The following CDK14 variants were observed in gnomAD, a reference collection of about 807,000 sequenced individuals.
The protein encoded by CDK14 is cyclin dependent kinase 14.
Under a neutral mutation model 60.7 loss-of-function variants are expected in CDK14, and 34 were observed. The ratio of observed to expected loss-of-function variants is 0.56; its 90% CI spans 0.43 to 0.75. The LOEUF (loss-of-function observed/expected upper bound fraction) is 0.75. Ranked by LOEUF, CDK14 falls within the 30% of genes least tolerant of loss-of-function variation. The probability of loss-of-function intolerance (pLI) is 0.00; values close to 1 mark genes in which losing one functional copy is unlikely to be tolerated. For missense variants in CDK14, 482 were observed against 564.1 expected (o/e 0.85, Z 1.47); for synonymous variants, 197 against 203.7 (o/e 0.97, Z 0.28).
intron 10 of CDK14, among the ~76,000 whole-genome samples, chr7:91,006,413 CAGAAAACATTACACAT>C (rs1327493865): frequency 6.6e-6 from 1 of 152,134 alleles, no homozygotes; most frequent in Non-Finnish European, 1.5e-5. Flanking sequence ...TTTCTTTTTT[CAGAAAACATTACACAT>C]AACTCCTGGA....
intron 5 of CDK14, among the ~76,000 whole-genome samples, chr7:90,812,529 G>A (rs1583998726): frequency 1.3e-5 from 2 of 152,092 alleles, no homozygotes. Flanking sequence ...ATGACGAGTT[G>A]CTGGGTGCAG....
intron 10 of CDK14, among the ~76,000 whole-genome samples, chr7:91,001,163 G>A (rs1795823562): frequency 1.3e-5 from 2 of 152,068 alleles, no homozygotes; most frequent in African/African-American, 2.4e-5. Flanking sequence ...ATGAAAAAAT[G>A]TTATCCCAAT....
intron 2 of CDK14, among the ~76,000 whole-genome samples, chr7:90,643,631 G>T (rs1800394388): frequency 1.3e-5 from 2 of 152,162 alleles, no homozygotes; most frequent in Non-Finnish European, 2.9e-5. Context: ...CTCTTTCTGT[G>T]TCGAACCGCT....
At chr7:90,735,535 A>T (rs1383137712) in intron 3 of CDK14, among the ~76,000 whole-genome samples, 3 of 152,202 alleles carry the variant, frequency 2.0e-5, no homozygotes, top group Non-Finnish European at 4.4e-5. Flanking sequence ...CTAGAGAAGG[A>T]GTCTGGCCAC....
At chr7:90,667,002 A>G (rs968900349) in intron 2 of CDK14, among the ~76,000 whole-genome samples, 4 of 152,220 alleles carry the variant, frequency 2.6e-5, no homozygotes, top group African/African-American at 9.6e-5. Flanking sequence ...CATATTCTTT[A>G]TCATCTAACT....
At chr7:90,709,392 T>A in intron 2 of CDK14, 1 of 1,384,548 alleles carries the variant, frequency 7.2e-7, no homozygotes, top group Non-Finnish European at 9.3e-7. Context: ...TTGAGCATGA[T>A]GAGGTGCATC....
rs535481848 is a variant in CDK14 at position 90,643,132 on chromosome 7, G to A, written c.123+38883G>A. 2.2e-4 allele frequency among the ~76,000 whole-genome samples: 34 copies of A among 152,322 alleles called. No homozygotes were observed. The South Asian group carries it at 7.1e-3, about 32-fold the overall frequency. ...GGTGATATGTATGTACAGCTCAAAA[G>A]ATGAGCAGACCTTTGCCTGGAGGCA... On this transcript the variant is annotated intron_variant, in intron 2 of 14. Coordinates refer to ENST00000380050, the MANE Select transcript of CDK14 (RefSeq NM_001287135.2).
At chr7:90,697,945 G>C (rs1221698767) in intron 2 of CDK14, among the ~76,000 whole-genome samples, 1 of 151,364 alleles carries the variant, frequency 6.6e-6, no homozygotes, top group East Asian at 2.0e-4. Flanking sequence ...GCGGGCGCCT[G>C]TATTCCCAGC....
intron 9 of CDK14, among the ~76,000 whole-genome samples, chr7:90,983,281 A>G (rs1795280404): frequency 6.6e-6 from 1 of 152,228 alleles, no homozygotes. Flanking sequence ...ACTATTCACA[A>G]TAACAATGAG....
intron 10 of CDK14, among the ~76,000 whole-genome samples, chr7:91,027,080 A>G (rs943536445): frequency 6.6e-5 from 10 of 152,230 alleles, no homozygotes; most frequent in South Asian, 4.1e-4. Flanking sequence ...AATTAGATGT[A>G]TATCTACTTC....
chr7:90,732,139 C>T (rs990551362), intron 3 of CDK14, among the ~76,000 whole-genome samples: 1 of 152,080 alleles, frequency 6.6e-6, no homozygotes, highest in Non-Finnish European at 1.5e-5. Flanking sequence ...TGATGGATTA[C>T]ATTTATTGAT....
chr7:90,930,394 G>A (rs1363336853), intron 8 of CDK14, among the ~76,000 whole-genome samples: 2 of 152,132 alleles, frequency 1.3e-5, no homozygotes, highest in Non-Finnish European at 2.9e-5. Flanking sequence ...GCTATAGATA[G>A]CAAAGGGAGT....
chr7:90,833,868 C>T (rs901165733), intron 5 of CDK14, among the ~76,000 whole-genome samples: 1 of 152,090 alleles, frequency 6.6e-6, no homozygotes, highest in Non-Finnish European at 1.5e-5. Flanking sequence ...TGAACAAACC[C>T]CTCATACCTT....
At chr7:91,200,907 G>A (rs1055538420) in intron 14 of CDK14, among the ~76,000 whole-genome samples, 1 of 152,172 alleles carries the variant, frequency 6.6e-6, no homozygotes, top group African/African-American at 2.4e-5. Flanking sequence ...AAATCAGTAA[G>A]TCCAGTATAG....
chr7:90,832,553 A>G (rs1013549918), intron 5 of CDK14, among the ~76,000 whole-genome samples: 4 of 152,216 alleles, frequency 2.6e-5, no homozygotes, highest in African/African-American at 9.6e-5. Flanking sequence ...TTAAAAGAAG[A>G]TAGGTATGTT....
chr7:90,827,525 A>C (rs1789767568), intron 5 of CDK14, among the ~76,000 whole-genome samples: 1 of 152,248 alleles, frequency 6.6e-6, no homozygotes, highest in Non-Finnish European at 1.5e-5. Context: ...GAAGGTCAAG[A>C]AAAACACACC....
chr7:90,731,269 T>G (rs761391708), intron 3 of CDK14, among the ~76,000 whole-genome samples: 1 of 152,198 alleles, frequency 6.6e-6, no homozygotes, highest in Non-Finnish European at 1.5e-5. Context: ...TGTAGTATAG[T>G]TTGAAGTCAG....
intron 9 of CDK14, among the ~76,000 whole-genome samples, chr7:90,964,532 GAA>G (rs1269057448): frequency 2.6e-5 from 4 of 152,090 alleles, no homozygotes; most frequent in Admixed American, 1.3e-4. Flanking sequence ...AATAACAATA[GAA>G]AAACAGTGAT....
At chr7:90,988,439 G>C (rs1455853089) in intron 10 of CDK14, among the ~76,000 whole-genome samples, 1 of 152,160 alleles carries the variant, frequency 6.6e-6, no homozygotes, top group Admixed American at 6.5e-5. Flanking sequence ...GGTGGAAAGA[G>C]TATTTATTTT....
Sources: allele counts gnomAD v4.1 joint callset (sites outside exome capture counted in the v4.1 genomes callset), GRCh38; gene constraint gnomAD v4.1.1; transcripts MANE v1.5; gene names NCBI Gene and HGNC (gene_info 2026-07-23, HGNC 2026-07-21).